ARID2: variants seen among roughly 807,000 people sequenced by gnomAD.
ARID2 encodes AT-rich interaction domain 2, also known as AT-rich interactive domain-containing protein 2.
Under a neutral mutation model 184.6 loss-of-function variants are expected in ARID2, and 32 were observed. That is an observed-to-expected ratio of 0.17 (90% CI 0.13 to 0.23). ARID2 has a LOEUF of 0.23. Among genes scored for constraint, ARID2 ranks in the 10% least tolerant of loss-of-function variants. The pLI is 1.00. For missense variants in ARID2, 1,696 were observed against 2,197.6 expected, an observed-to-expected ratio of 0.77 and a Z score of 4.56; for synonymous variants, 836 against 772.6, an observed-to-expected ratio of 1.08 and a Z score of -1.36.
chr12:45,857,266 A>G (rs1943666562), intron 15 of ARID2, among the ~76,000 whole-genome samples: 1 of 152,218 alleles, frequency 6.6e-6, no homozygotes, highest in Admixed American at 6.5e-5. Context: ...GAATATTGGT[A>G]TCTTACTGGT....
At chr12:45,814,151 C>T (rs185445400) in intron 4 of ARID2, among the ~76,000 whole-genome samples, 1 of 152,054 alleles carries the variant, frequency 6.6e-6, no homozygotes, top group Non-Finnish European at 1.5e-5. Flanking sequence ...TTTCTTTAAG[C>T]ATTGCATATT....
chr12:45,742,186 C>T (rs1350756011), intron 3 of ARID2, among the ~76,000 whole-genome samples: 1 of 152,198 alleles, frequency 6.6e-6, no homozygotes, highest in Non-Finnish European at 1.5e-5. Flanking sequence ...AAAGTACAGA[C>T]ATGCACTGCA....
chr12:45,806,540 C>T (rs1250245445), intron 3 of ARID2, among the ~76,000 whole-genome samples: 2 of 151,998 alleles, frequency 1.3e-5, no homozygotes, highest in Non-Finnish European at 2.9e-5. Flanking sequence ...TTTTGTCCAC[C>T]ACTTATTTCC....
intron 20 of ARID2, among the ~76,000 whole-genome samples, chr12:45,903,082 A>G (rs537850825): frequency 3.3e-5 from 5 of 152,258 alleles, no homozygotes; most frequent in Admixed American, 6.5e-5. Context: ...AGGGACCACT[A>G]TCCTGATCTG....
At chr12:45,789,431 G>A (rs1305922498) in intron 3 of ARID2, 1 of 152,114 alleles carries the variant, frequency 6.6e-6, no homozygotes, top group Non-Finnish European at 1.5e-5. Flanking sequence ...TGTGGTCTGC[G>A]TGATTGTAGT....
chr12:45,825,348 T>C (rs1283821499), intron 6 of ARID2, among the ~76,000 whole-genome samples: 1 of 152,128 alleles, frequency 6.6e-6, no homozygotes, highest in Admixed American at 6.6e-5. Flanking sequence ...ATATCACAGG[T>C]ACCCCATAAG....
At chr12:45,780,544 A>G (rs1223981096) in intron 3 of ARID2, among the ~76,000 whole-genome samples, 2 of 152,162 alleles carry the variant, frequency 1.3e-5, no homozygotes, top group Non-Finnish European at 2.9e-5. Context: ...TGAGAAGGGA[A>G]GAAGGAATTG....
At chr12:45,813,115 T>C (rs1286689517) in intron 4 of ARID2, among the ~76,000 whole-genome samples, 1 of 152,160 alleles carries the variant, frequency 6.6e-6, no homozygotes, top group African/African-American at 2.4e-5. Context: ...TTTTCTGATA[T>C]GCTATTATAT....
At position 45,837,599 on chromosome 12, in the gene ARID2, A is replaced by G; in HGVS notation, c.1222A>G (p.Thr408Ala). The change falls in exon 10 of 21, where the codon ACT becomes GCT. Residue 408 changes from threonine to alanine, a missense_variant. By Grantham distance (58) the Thr-to-Ala change is moderately conservative (BLOSUM62 0). Coordinates refer to ENST00000334344, the MANE Select transcript of ARID2 (RefSeq NM_152641.4). The part of the protein sequence containing the change: ...DSYREIICHL[T>A]LPDVLLVIST... Reference sequence around the variant, plus strand: ...CTACAGAGAGATCATTTGTCATCTCACTTTACCTGATGTGCTGCTTGTAAT... The same window carrying G: ...CTACAGAGAGATCATTTGTCATCTCGCTTTACCTGATGTGCTGCTTGTAAT... 6.2e-7 allele frequency: 1 copy of G among 1,614,086 alleles called. No homozygotes were observed. Among genetic ancestry groups the G allele is most frequent in the Middle Eastern group, 1.7e-4 (1 of 6,060 alleles).
chr12:45,848,708 G>T, intron 12 of ARID2, 128 bp from the exon 13 acceptor site: 1 of 675,718 alleles, frequency 1.5e-6, no homozygotes, highest in Non-Finnish European at 2.2e-6. Context: ...TAACGTATGA[G>T]TCAGTGAAAT....
rs958608164 is a variant in ARID2 at position 45,736,371 on chromosome 12, A to T, written c.284+5057A>T. On this transcript the variant is annotated intron_variant, in intron 3 of 20. Coordinates refer to ENST00000334344, the MANE Select transcript of ARID2 (RefSeq NM_152641.4). ...GACTCCGTCTGAAAAAAAAAAAAAA[A>T]GTATATTGCTACTAGATATTTTATA... is the stretch of plus-strand genomic sequence containing the variant. 3.9e-5 allele frequency among the ~76,000 whole-genome samples: 6 copies of T among 152,074 alleles called. No homozygotes were observed. In the South Asian group the frequency reaches 6.2e-4, roughly 16 times the overall value.
At chr12:45,750,515 A>G (rs192616828) in intron 3 of ARID2, among the ~76,000 whole-genome samples, 13 of 152,350 alleles carry the variant, frequency 8.5e-5, no homozygotes, top group South Asian at 8.3e-4. Context: ...TAAACCTTCA[A>G]TTGGTTTTAA....
chr12:45,892,012 A>T lies in ARID2; in HGVS notation c.5063A>T (p.Asp1688Val). Residue 1688 changes from aspartate (D) to valine (V), a missense_variant and splice_region_variant, in exon 18 of 21, where the codon GAT becomes GTT. Asp to Val is a radical substitution (Grantham distance 152). Transcript: ENST00000334344. The part of the protein sequence containing the change: ...QRFSFITHLQ[D>V]KHCSKDALLA... Reference sequence around the variant, plus strand: ...TCTTGCTTCCTCTTCCTCAAAAAGGATAAGCACTGTTCAAAGGATGCCCTA... The same window carrying T: ...TCTTGCTTCCTCTTCCTCAAAAAGGTTAAGCACTGTTCAAAGGATGCCCTA... The T allele has an allele frequency of 6.2e-7, 1 of 1,614,190 alleles. No homozygotes were observed. Among genetic ancestry groups the T allele is most frequent in the Non-Finnish European group, 8.5e-7 (1 of 1,180,010 alleles).
intron 4 of ARID2, among the ~76,000 whole-genome samples, chr12:45,815,082 A>G (rs1210402703): frequency 6.6e-6 from 1 of 152,218 alleles, no homozygotes; most frequent in Non-Finnish European, 1.5e-5. Flanking sequence ...TACAGTAGGA[A>G]ATAGCACAAT....
intron 18 of ARID2, among the ~76,000 whole-genome samples, chr12:45,893,028 T>C (rs929423803): frequency 6.6e-6 from 1 of 152,200 alleles, no homozygotes; most frequent in Non-Finnish European, 1.5e-5. Flanking sequence ...CATTTAGAAA[T>C]AATTTGTAGC....
intron 3 of ARID2, among the ~76,000 whole-genome samples, chr12:45,752,755 CA>C (rs1941487937): frequency 6.6e-6 from 1 of 152,158 alleles, no homozygotes. Context: ...CTTGGCTTTC[CA>C]AAATGCTGGC....
intron 10 of ARID2, among the ~76,000 whole-genome samples, chr12:45,838,799 A>G (rs1458025285): frequency 6.6e-6 from 1 of 151,954 alleles, no homozygotes; most frequent in Non-Finnish European, 1.5e-5. Flanking sequence ...ATAGATATAG[A>G]TATAGATATC....
At chr12:45,813,175 T>C (rs1156540548) in intron 4 of ARID2, among the ~76,000 whole-genome samples, 1 of 152,052 alleles carries the variant, frequency 6.6e-6, no homozygotes, top group African/African-American at 2.4e-5. Flanking sequence ...ATGTGTAACA[T>C]GTGTAATGAA....
Position 45,904,914 on chromosome 12 carries a change from T to A in ARID2, c.5364-20T>A. ...GCTGTGACCTTGGAGACTGACAATCTTCTATATGTTTTTTTGCAGATTGTT... is the reference window on the plus strand; with the variant it reads ...GCTGTGACCTTGGAGACTGACAATCATCTATATGTTTTTTTGCAGATTGTT... On this transcript the variant is annotated intron_variant, in intron 20 of 20. Coordinates refer to ENST00000334344, the MANE Select transcript of ARID2 (RefSeq NM_152641.4). 2 of 1,610,840 alleles carry A rather than the reference T, an allele frequency of 1.2e-6. No individual in the cohort carries two copies. The highest frequency in any genetic ancestry group is 2.2e-5 in the South Asian group (2 of 90,346).
Sources: allele counts gnomAD v4.1 joint callset (sites outside exome capture counted in the v4.1 genomes callset), GRCh38; gene constraint gnomAD v4.1.1; transcripts MANE v1.5; gene names NCBI Gene and HGNC (gene_info 2026-07-23, HGNC 2026-07-21).